ALOX5AP: variants seen among roughly 807,000 people sequenced by gnomAD.
The protein encoded by ALOX5AP is arachidonate 5-lipoxygenase activating protein, also known as arachidonate 5-lipoxygenase-activating protein.
Under a neutral mutation model 18.5 loss-of-function variants are expected in ALOX5AP, and 9 were observed. That is an observed-to-expected ratio of 0.49 (90% CI 0.29 to 0.85). The LOEUF (loss-of-function observed/expected upper bound fraction) is 0.85, where lower values mean the gene tolerates loss of function less well. ALOX5AP is among the 40% of genes least tolerant of loss of function. The pLI is 0.08. For missense variants in ALOX5AP, 172 were observed against 202.5 expected (o/e 0.85, Z 0.91); for synonymous variants, 81 against 78.6 (o/e 1.03, Z -0.16).
rs572268012 is a variant in ALOX5AP, at chr13:30,718,206, G to A, written c.116+4365G>A. Among the ~76,000 whole-genome samples, 791 of 151,698 alleles carry A rather than the reference G, an allele frequency of 5.2e-3. 5 individuals carry two copies. The highest frequency in any genetic ancestry group is 0.018 in the African/African-American group (765 of 41,396). ...ACTCCTGACCTCAGGTGATCCACTTGCCTCAGCCTCCCAAAGTGCTGGGAT... is the reference window on the plus strand; with the variant it reads ...ACTCCTGACCTCAGGTGATCCACTTACCTCAGCCTCCCAAAGTGCTGGGAT... On this transcript the variant is annotated intron_variant, in intron 1 of 5. Transcript: ENST00000617770.
intron 1 of ALOX5AP, 129 bp from the exon 2 acceptor site, chr13:30,743,931 T>G (rs17238738): frequency 0.075 from 51,717 of 691,028 alleles, 2,520 homozygotes; most frequent in Non-Finnish European, 0.1. Context: ...AAATGACAGT[T>G]GATGGAGGAC....
At chr13:30,734,978 C>T (rs1014788042), upstream of ALOX5AP, among the ~76,000 whole-genome samples, 4 of 152,038 alleles carry the variant, frequency 2.6e-5, no homozygotes, top group African/African-American at 4.8e-5. Flanking sequence ...GTGTTCTATA[C>T]ATTTTTTTAA....
At chr13:30,755,059 T>C (rs1951882017) in intron 3 of ALOX5AP, among the ~76,000 whole-genome samples, 1 of 152,250 alleles carries the variant, frequency 6.6e-6, no homozygotes, top group South Asian at 2.1e-4. Context: ...CATAGAGTTA[T>C]TGGGGTGCTG....
intron 2 of ALOX5AP, among the ~76,000 whole-genome samples, chr13:30,746,813 C>A (rs1443945951): frequency 6.6e-6 from 1 of 152,142 alleles, no homozygotes; most frequent in East Asian, 1.9e-4. Context: ...AGTTTATATG[C>A]AAATATACTT....
Position 30,755,969 on chromosome 13 carries a change from G to A in ALOX5AP, c.267G>A (p.Met89Ile). ...TTCCTGCTGCGTTTGCTGGACTGAT[G>A]TACTTGTTTGTGAGGCAAAAGTACT... Reference protein sequence around the residue: ...SQVPAAFAGLMYLFVRQKYFV... With the variant: ...SQVPAAFAGLIYLFVRQKYFV... The change falls in exon 4 of 5, where the codon ATG becomes ATA. Residue 89 changes from methionine to isoleucine, a missense_variant. Transcript: ENST00000380490. 6.2e-7 allele frequency: 1 copy of A among 1,614,166 alleles called. No homozygotes were observed. Among genetic ancestry groups the A allele is most frequent in the Non-Finnish European group, 8.5e-7 (1 of 1,180,012 alleles).
In ALOX5AP at chr13:30,755,946, C is replaced by T; in HGVS notation, c.244C>T (p.Pro82Ser). Reference protein sequence around the residue: ...WSAGLLCSQVPAAFAGLMYLF... With the variant: ...WSAGLLCSQVSAAFAGLMYLF... ...GGTGTTTTCATTTCTCCACTTAGTT[C>T]CTGCTGCGTTTGCTGGACTGATGTA... is the stretch of plus-strand genomic sequence containing the variant. Residue 82 changes from proline to serine, a missense_variant and splice_region_variant, in exon 4 of 5, where the codon CCT becomes TCT. Coordinates refer to ENST00000380490, the MANE Select transcript of ALOX5AP (RefSeq NM_001629.4). 1 of 1,613,974 alleles carries T rather than the reference C, an allele frequency of 6.2e-7. No individual in the cohort carries two copies. Among genetic ancestry groups the T allele is most frequent in the Non-Finnish European group, 8.5e-7 (1 of 1,179,896 alleles).
rs747451651 is a variant in ALOX5AP, at chr13:30,735,644, C to T, written c.39C>T (p.Ala13=). 34 of 1,613,974 alleles carry T rather than the reference C, an allele frequency of 2.1e-5. No homozygotes were observed. The highest frequency in any genetic ancestry group is 2.9e-5 in the Non-Finnish European group (34 of 1,180,020). The part of the protein sequence containing the change: ...QETVGNVVLL[A]IVTLISVVQN... The stretch of plus-strand genomic sequence containing the variant: ...CTGTAGGCAATGTTGTCCTGTTGGC[C>T]ATCGTCACCCTCATCAGCGTGGTCC... Residue 13 remains alanine, a synonymous_variant, in exon 1 of 5, where the codon GCC becomes GCT. Transcript: ENST00000380490.
chr13:30,753,551 T>C (rs969026465), intron 3 of ALOX5AP, among the ~76,000 whole-genome samples: 1 of 152,228 alleles, frequency 6.6e-6, no homozygotes, highest in African/African-American at 2.4e-5. Context: ...CCTTGGTTGA[T>C]AATCGTCATT....
chr13:30,740,794 T>C (rs904601175), intron 1 of ALOX5AP, among the ~76,000 whole-genome samples: 25 of 152,192 alleles, frequency 1.6e-4, no homozygotes, highest in Non-Finnish European at 3.2e-4. Flanking sequence ...GAAGGAGCAA[T>C]GAAATACAGA....
At chr13:30,719,192 T>A (rs1039709783) in intron 1 of ALOX5AP, among the ~76,000 whole-genome samples, 3 of 152,198 alleles carry the variant, frequency 2.0e-5, no homozygotes, top group African/African-American at 7.2e-5. Context: ...GGAGGTTGAT[T>A]TAAAGTCCTT....
intron 1 of ALOX5AP, among the ~76,000 whole-genome samples, chr13:30,738,246 C>A (rs1041827655): frequency 6.6e-6 from 1 of 152,202 alleles, no homozygotes; most frequent in Non-Finnish European, 1.5e-5. Context: ...GTGCAATGTC[C>A]TCCTCTGCCT....
chr13:30,750,591 T>G (rs1951844640), intron 2 of ALOX5AP, among the ~76,000 whole-genome samples: 1 of 152,190 alleles, frequency 6.6e-6, no homozygotes, highest in Non-Finnish European at 1.5e-5. Context: ...ATTCAGCTTC[T>G]CCAAGCCTGA....
intron 3 of ALOX5AP, among the ~76,000 whole-genome samples, chr13:30,754,579 AG>A (rs1037765994): frequency 1.6e-4 from 24 of 152,398 alleles, no homozygotes; most frequent in African/African-American, 5.5e-4. Context: ...CTACAAAAAT[AG>A]CATTTCATAT....
In ALOX5AP at chr13:30,751,265, T is replaced by C. The variant is rs561481930; in HGVS notation, c.171-787T>C. 2.6e-5 allele frequency among the ~76,000 whole-genome samples: 4 copies of C among 152,302 alleles called. No individual in the cohort carries two copies. The East Asian group carries it at 7.7e-4, about 29-fold the overall frequency. On this transcript the variant is annotated intron_variant, in intron 2 of 4. Transcript: ENST00000380490. ...TTTTAGTAGAGACAGGGTTTCACCA[T>C]GTTGGCCAGGCTGGTCTTGAACTCC... is the stretch of plus-strand genomic sequence containing the variant.
At chr13:30,763,544 C>T (rs1951963266) in intron 4 of ALOX5AP, among the ~76,000 whole-genome samples, 1 of 152,204 alleles carries the variant, frequency 6.6e-6, no homozygotes, top group Non-Finnish European at 1.5e-5. Flanking sequence ...CTGCATTACA[C>T]ACGTGTCTGT....
At position 30,755,440 on chromosome 13, in the gene ALOX5AP, C is replaced by G. The variant is rs17239214; in HGVS notation, c.242-504C>G. 9.2e-3 allele frequency among the ~76,000 whole-genome samples: 1,401 copies of G among 152,246 alleles called. 24 individuals carry two copies. The highest frequency in any genetic ancestry group is 0.032 in the African/African-American group (1,319 of 41,534). ...TTGACCACCTGAACCCACGTTTCCACATCTGGAAATAGAAATGTGGGTACT... is the reference window on the plus strand; with the variant it reads ...TTGACCACCTGAACCCACGTTTCCAGATCTGGAAATAGAAATGTGGGTACT... On this transcript the variant is annotated intron_variant, in intron 3 of 4. Coordinates refer to ENST00000380490, the MANE Select transcript of ALOX5AP (RefSeq NM_001629.4).
intron 1 of ALOX5AP, among the ~76,000 whole-genome samples, chr13:30,743,125 T>A (rs1951780998): frequency 6.6e-6 from 1 of 151,898 alleles, no homozygotes; most frequent in Non-Finnish European, 1.5e-5. Context: ...CTCAGCAAGG[T>A]CACAGTCACC....
chr13:30,716,015 G>A (rs933959158), intron 1 of ALOX5AP, among the ~76,000 whole-genome samples: 1 of 152,210 alleles, frequency 6.6e-6, no homozygotes, highest in Admixed American at 6.5e-5. Context: ...GCTGCTGCAA[G>A]GGATCTGAGT....
intron 1 of ALOX5AP, among the ~76,000 whole-genome samples, chr13:30,743,720 T>C (rs1377088740): frequency 6.6e-6 from 1 of 152,064 alleles, no homozygotes; most frequent in Non-Finnish European, 1.5e-5. Flanking sequence ...TTAAGTTGCC[T>C]CCTTTGACCC....
Sources: gnomAD v4.1 joint callset for allele counts (sites outside exome capture counted in the v4.1 genomes callset) on GRCh38, gnomAD v4.1.1 for gene constraint, MANE v1.5 for transcripts, NCBI Gene and HGNC (gene_info 2026-07-23, HGNC 2026-07-21) for gene names.